The following PHLPP1 variants were observed in gnomAD, a reference collection of about 807,000 sequenced individuals.
The protein encoded by PHLPP1 is PH domain and leucine rich repeat protein phosphatase 1.
A neutral mutation model predicts 117.2 loss-of-function variants in PHLPP1; 42 were observed. The observed-to-expected ratio is 0.36, with a 90% confidence interval of 0.28 to 0.46. PHLPP1 has a LOEUF of 0.46. Among genes scored for constraint, PHLPP1 ranks in the 20% least tolerant of loss-of-function variants. PHLPP1 has a pLI of 1.00. For missense variants in PHLPP1, 2,084 were observed against 2,241.9 expected (o/e 0.93, Z 1.42); for synonymous variants, 1,042 against 970.7 (o/e 1.07, Z -1.37).
At chr18:62,790,376 A>G (rs1223527851) in intron 1 of PHLPP1, among the ~76,000 whole-genome samples, 3 of 152,218 alleles carry the variant, frequency 2.0e-5, no homozygotes, top group African/African-American at 7.2e-5. Context: ...AATATCATTT[A>G]TTATACTCTA....
chr18:62,774,118 G>A (rs1912879067), intron 1 of PHLPP1, among the ~76,000 whole-genome samples: 1 of 152,186 alleles, frequency 6.6e-6, no homozygotes, highest in Non-Finnish European at 1.5e-5. Flanking sequence ...CAGCCTTCTT[G>A]TGATATATGT....
At chr18:62,796,081 C>T (rs1032147174) in intron 1 of PHLPP1, among the ~76,000 whole-genome samples, 1 of 152,140 alleles carries the variant, frequency 6.6e-6, no homozygotes, top group Non-Finnish European at 1.5e-5. Flanking sequence ...CTGTGTGAGT[C>T]CACGGTTTAC....
intron 13 of PHLPP1, 66 bp downstream of exon 13, chr18:62,958,825 G>A: frequency 6.4e-7 from 1 of 1,555,086 alleles, no homozygotes; most frequent in Non-Finnish European, 8.8e-7. Flanking sequence ...ATATCTTAGT[G>A]AAAATGGGAA....
chr18:62,794,015 T>C (rs12454306), intron 1 of PHLPP1, among the ~76,000 whole-genome samples: 3,587 of 152,330 alleles, frequency 0.024, 56 homozygotes, highest in Middle Eastern at 0.058. Flanking sequence ...CTAACTTGCT[T>C]TCCTGAAAGA....
intron 1 of PHLPP1, among the ~76,000 whole-genome samples, chr18:62,812,662 C>T (rs1451734283): frequency 6.6e-6 from 1 of 152,018 alleles, no homozygotes; most frequent in Non-Finnish European, 1.5e-5. Context: ...CAGCGAAGTT[C>T]AGTTGTGTCT....
At chr18:62,750,336 C>T (rs1352548565) in intron 1 of PHLPP1, among the ~76,000 whole-genome samples, 1 of 152,112 alleles carries the variant, frequency 6.6e-6, no homozygotes, top group Admixed American at 6.5e-5. Context: ...CTAGACAAGT[C>T]TAGTAATAAT....
chr18:62,802,698 T>G (rs1038387934), intron 1 of PHLPP1, among the ~76,000 whole-genome samples: 2 of 152,184 alleles, frequency 1.3e-5, no homozygotes, highest in African/African-American at 4.8e-5. Flanking sequence ...ATTTTTCTAC[T>G]GTGTGAAAAC....
chr18:62,732,845 C>T (rs1911265114), intron 1 of PHLPP1, among the ~76,000 whole-genome samples: 1 of 152,182 alleles, frequency 6.6e-6, no homozygotes, highest in Non-Finnish European at 1.5e-5. Flanking sequence ...GAGGAAGTAA[C>T]TGCAGATGTG....
intron 1 of PHLPP1, among the ~76,000 whole-genome samples, chr18:62,801,323 G>A (rs1157837451): frequency 6.6e-6 from 1 of 151,396 alleles, no homozygotes; most frequent in African/African-American, 2.4e-5. Flanking sequence ...GATTACAGAT[G>A]TGAGCCACCA....
chr18:62,745,638 T>C (rs1204740797), intron 1 of PHLPP1, among the ~76,000 whole-genome samples: 4 of 152,218 alleles, frequency 2.6e-5, no homozygotes, highest in Non-Finnish European at 4.4e-5. Context: ...GTAATTTTAA[T>C]AGTACCACCG....
At chr18:62,903,204 T>C in intron 7 of PHLPP1, 38 bp downstream of exon 7, 3 of 1,329,348 alleles carry the variant, frequency 2.3e-6, no homozygotes, top group East Asian at 2.3e-5. Flanking sequence ...GCTCTTTTGG[T>C]TCCAGGAATT....
intron 4 of PHLPP1, among the ~76,000 whole-genome samples, chr18:62,867,240 T>C (rs1407937008): frequency 1.3e-5 from 2 of 152,204 alleles, no homozygotes; most frequent in Non-Finnish European, 2.9e-5. Flanking sequence ...TCTTTCTAAA[T>C]ATTATGTGTA....
chr18:62,803,744 T>C (rs1198023421), intron 1 of PHLPP1, among the ~76,000 whole-genome samples: 1 of 152,210 alleles, frequency 6.6e-6, no homozygotes, highest in East Asian at 1.9e-4. Flanking sequence ...AGGGTATTTA[T>C]GTTTTAACTT....
intron 1 of PHLPP1, among the ~76,000 whole-genome samples, chr18:62,805,656 C>T (rs970732066): frequency 7.2e-5 from 11 of 152,200 alleles, no homozygotes; most frequent in Middle Eastern, 3.4e-3. Context: ...CCACCATGCC[C>T]GACCTTTTTC....
At chr18:62,838,209 A>T (rs1475133720) in intron 2 of PHLPP1, 1 of 152,126 alleles carries the variant, frequency 6.6e-6, no homozygotes, top group Non-Finnish European at 1.5e-5. Context: ...GTTGTTTAGA[A>T]GTTTGTTATT....
At chr18:62,973,908 G>A (rs1328365699) in intron 15 of PHLPP1, among the ~76,000 whole-genome samples, 1 of 152,218 alleles carries the variant, frequency 6.6e-6, no homozygotes, top group Non-Finnish European at 1.5e-5. Flanking sequence ...GCCAGGACCT[G>A]ACCTCAGGTT....
intron 1 of PHLPP1, among the ~76,000 whole-genome samples, chr18:62,761,457 C>T (rs192890669): frequency 1.8e-4 from 28 of 151,582 alleles, no homozygotes; most frequent in Admixed American, 9.2e-4. Context: ...ACGGTGAAAC[C>T]CCGTCTCTAC....
At chr18:62,915,140 C>G in intron 9 of PHLPP1, 132 bp downstream of exon 9, 1 of 629,476 alleles carries the variant, frequency 1.6e-6, no homozygotes, top group East Asian at 2.8e-5. Flanking sequence ...GTCTTTTACC[C>G]CATGTGGTGT....
Position 62,830,509 on chromosome 18 carries a change from G to C in PHLPP1, c.1773+278G>C, listed in dbSNP as rs181654979. On this transcript the variant is annotated intron_variant, in intron 2 of 16. Coordinates refer to ENST00000262719, the MANE Select transcript of PHLPP1 (RefSeq NM_194449.4). ...CTCCCAAAGTGCTGGGATTACAGGT[G>C]TGAGCCACCATGCCAGGCCGAAAAG... Among the ~76,000 whole-genome samples the C allele has an allele frequency of 1.6e-3, 239 of 152,260 alleles. 3 individuals are homozygous for C. Among genetic ancestry groups the C allele is most frequent in the African/African-American group, 5.6e-3 (231 of 41,530 alleles).
Sources: gnomAD v4.1 joint callset for allele counts (sites outside exome capture counted in the v4.1 genomes callset) on GRCh38, gnomAD v4.1.1 for gene constraint, MANE v1.5 for transcripts, NCBI Gene and HGNC (gene_info 2026-07-23, HGNC 2026-07-21) for gene names.